The following SLC24A2 variants were observed in gnomAD, a reference collection of about 807,000 sequenced individuals.
SLC24A2 encodes solute carrier family 24 member 2.
Under a neutral mutation model 62.0 loss-of-function variants are expected in SLC24A2, and 36 were observed. The ratio of observed to expected loss-of-function variants is 0.58; its 90% CI spans 0.44 to 0.77. The LOEUF (loss-of-function observed/expected upper bound fraction) is 0.77, where lower values mean the gene tolerates loss of function less well. SLC24A2 is among the 30% of genes least tolerant of loss of function. The pLI is 0.00. For synonymous variants in SLC24A2, 358 were observed against 294.0 expected, an observed-to-expected ratio of 1.22 and a Z score of -2.23; for missense variants, 846 against 817.9, an observed-to-expected ratio of 1.03 and a Z score of -0.42.
At chr9:19,760,914 C>T (rs1425293480) in intron 2 of SLC24A2, among the ~76,000 whole-genome samples, 2 of 44,158 alleles carry the variant, frequency 4.5e-5, no homozygotes, top group African/African-American at 1.5e-4. Flanking sequence ...GGCCTGTTGC[C>T]GGGTGGGGGG....
chr9:20,031,321 T>C, the SLC24A2 span, among the ~76,000 whole-genome samples: 1 of 143,938 alleles, frequency 6.9e-6, no homozygotes, highest in African/African-American at 2.6e-5. Flanking sequence ...TTTTAAAGTG[T>C]GTGTGTGCCC....
chr9:19,983,364 G>A, the SLC24A2 span, among the ~76,000 whole-genome samples: 1 of 152,274 alleles, frequency 6.6e-6, no homozygotes, highest in South Asian at 2.1e-4. Context: ...CTCAGCTGTG[G>A]CTGGGCACGG....
At chr9:20,050,371 G>T in the SLC24A2 span, among the ~76,000 whole-genome samples, 86 of 151,812 alleles carry the variant, frequency 5.7e-4, no homozygotes, top group Non-Finnish European at 1.1e-3. Flanking sequence ...AGCCTAGATC[G>T]CACCACTGCA....
At chr9:19,788,585 T>A in intron 1 of SLC24A2, 2 of 985,134 alleles carry the variant, frequency 2.0e-6, no homozygotes, top group Non-Finnish European at 2.4e-6. Flanking sequence ...CGCATCCCCC[T>A]GAGTCGTTTG....
chr9:20,198,131 G>A, the SLC24A2 span, among the ~76,000 whole-genome samples: 1 of 152,224 alleles, frequency 6.6e-6, no homozygotes, highest in Non-Finnish European at 1.5e-5. Flanking sequence ...CAGGGATTGA[G>A]GGGGTGAGAG....
the SLC24A2 span, among the ~76,000 whole-genome samples, chr9:20,083,027 T>C: frequency 2.0e-5 from 3 of 152,216 alleles, no homozygotes; most frequent in Non-Finnish European, 2.9e-5. Flanking sequence ...TGATAAACCA[T>C]TCAGTGTCAT....
At chr9:19,919,195 T>C in the SLC24A2 span, among the ~76,000 whole-genome samples, 1 of 152,180 alleles carries the variant, frequency 6.6e-6, no homozygotes, top group African/African-American at 2.4e-5. Flanking sequence ...AGAATAGTGC[T>C]GGCTGTGGCT....
chr9:19,657,543 G>A (rs975144156), intron 2 of SLC24A2, among the ~76,000 whole-genome samples: 1 of 151,144 alleles, frequency 6.6e-6, no homozygotes, highest in African/African-American at 2.4e-5. Context: ...CCCTCCCCTC[G>A]TTCCCACCCT....
the SLC24A2 span, among the ~76,000 whole-genome samples, chr9:19,833,193 C>T: frequency 9.2e-5 from 14 of 152,070 alleles, no homozygotes; most frequent in African/African-American, 2.7e-4. Context: ...ACTGAGGTAC[C>T]GGGTTCATCT....
the SLC24A2 span, among the ~76,000 whole-genome samples, chr9:19,853,694 T>C: frequency 6.6e-6 from 1 of 152,214 alleles, no homozygotes; most frequent in Non-Finnish European, 1.5e-5. Context: ...TTTTATGTGC[T>C]GGTGGATTTG....
chr9:19,886,674 C>A, the SLC24A2 span, among the ~76,000 whole-genome samples: 1 of 152,166 alleles, frequency 6.6e-6, no homozygotes, highest in Non-Finnish European at 1.5e-5. Context: ...ACCAGAAATA[C>A]CATTTGACCC....
the SLC24A2 span, among the ~76,000 whole-genome samples, chr9:20,098,285 A>G: frequency 2.0e-5 from 3 of 152,214 alleles, no homozygotes; most frequent in Non-Finnish European, 4.4e-5. Context: ...AGGCAAGGAA[A>G]TGTAGAACTC....
chr9:20,271,695 C>A, the SLC24A2 span, among the ~76,000 whole-genome samples: 12 of 152,116 alleles, frequency 7.9e-5, no homozygotes, highest in African/African-American at 2.9e-4. Context: ...AAAGCATCTA[C>A]AAGCAACACA....
chr9:20,012,493 A>G, the SLC24A2 span, among the ~76,000 whole-genome samples: 2 of 152,052 alleles, frequency 1.3e-5, no homozygotes, highest in Non-Finnish European at 2.9e-5. Context: ...CATATCACCC[A>G]CTCTCACCAC....
intron 2 of SLC24A2, among the ~76,000 whole-genome samples, chr9:19,699,715 G>A (rs993665245): frequency 1.3e-5 from 2 of 152,132 alleles, no homozygotes; most frequent in Non-Finnish European, 2.9e-5. Flanking sequence ...TTTCTGGGGG[G>A]TGGTATTACA....
chr9:19,557,435 G>A (rs1835151966), intron 7 of SLC24A2, among the ~76,000 whole-genome samples: 1 of 152,138 alleles, frequency 6.6e-6, no homozygotes, highest in Admixed American at 6.5e-5. Context: ...TGGGGCAGAG[G>A]GCGAGAAGTA....
chr9:19,586,445 T>C (rs1033923203), intron 5 of SLC24A2, among the ~76,000 whole-genome samples: 4 of 152,124 alleles, frequency 2.6e-5, no homozygotes, highest in African/African-American at 9.7e-5. Context: ...GTGCTTACCT[T>C]CCTTTTTAGG....
chr9:19,739,236 C>T (rs562442042), intron 2 of SLC24A2, among the ~76,000 whole-genome samples: 2 of 152,250 alleles, frequency 1.3e-5, no homozygotes, highest in African/African-American at 4.8e-5. Flanking sequence ...ATACAAAATG[C>T]TTATGAACAG....
chr9:19,854,096 T>C, the SLC24A2 span, among the ~76,000 whole-genome samples: 3 of 152,218 alleles, frequency 2.0e-5, no homozygotes, highest in Non-Finnish European at 4.4e-5. Context: ...TAGAGGTGTT[T>C]ATAGTATTCT....
Sources: allele counts gnomAD v4.1 joint callset (sites outside exome capture counted in the v4.1 genomes callset), GRCh38; gene constraint gnomAD v4.1.1; transcripts MANE v1.5; gene names NCBI Gene and HGNC (gene_info 2026-07-23, HGNC 2026-07-21).